RSU1: variants seen among roughly 807,000 people sequenced by gnomAD.
The protein encoded by RSU1 is Ras suppressor protein 1, also known as rsu-1.
In RSU1, 26 loss-of-function variants were observed where a neutral mutation model predicts 31.1. The observed-to-expected ratio is 0.84, with a 90% confidence interval of 0.61 to 1.16. The LOEUF is 1.16. Ranked by LOEUF, RSU1 falls within the 50% of genes most tolerant of loss-of-function variation. The pLI, the probability that RSU1 is intolerant of heterozygous loss-of-function variation, is 0.00. For synonymous variants in RSU1, 164 were observed against 136.3 expected (o/e 1.20, Z -1.41); for missense variants, 320 against 339.1 (o/e 0.94, Z 0.44).
intron 8 of RSU1, among the ~76,000 whole-genome samples, chr10:16,687,880 C>T (rs1373545976): frequency 2.0e-5 from 3 of 152,060 alleles, no homozygotes; most frequent in Non-Finnish European, 2.9e-5. Context: ...CCACCATGCC[C>T]GGCTAATTTT....
chr10:16,625,712 G>A (rs1834145404), intron 8 of RSU1, among the ~76,000 whole-genome samples: 1 of 152,192 alleles, frequency 6.6e-6, no homozygotes, highest in Non-Finnish European at 1.5e-5. Flanking sequence ...AAAGAAAGTG[G>A]ACGGAAATCA....
At chr10:16,718,389 T>A (rs1836187343) in intron 7 of RSU1, among the ~76,000 whole-genome samples, 1 of 152,234 alleles carries the variant, frequency 6.6e-6, no homozygotes, top group Non-Finnish European at 1.5e-5. Context: ...ATAAACTATA[T>A]GTGACATGTT....
chr10:16,628,149 G>T (rs1381265704), intron 8 of RSU1, among the ~76,000 whole-genome samples: 1 of 152,184 alleles, frequency 6.6e-6, no homozygotes, highest in African/African-American at 2.4e-5. Flanking sequence ...ACAACAATCT[G>T]CCAATTGATT....
Position 16,672,226 on chromosome 10 carries a change from C to T in RSU1, c.731+22797G>A, listed in dbSNP as rs568355852. Reference sequence around the variant, plus strand: ...TCAGGAGGCTGAGGCAGGAGAATGGCGTGAACCCGGGAGGCAGAGCTTGCA... The same window carrying T: ...TCAGGAGGCTGAGGCAGGAGAATGGTGTGAACCCGGGAGGCAGAGCTTGCA... On this transcript the variant is annotated intron_variant, in intron 8 of 8. Transcript: ENST00000345264. 4.0e-4 allele frequency among the ~76,000 whole-genome samples: 61 copies of T among 151,706 alleles called. No individual in the cohort carries two copies. The South Asian group carries it at 4.4e-3, about 11-fold the overall frequency.
chr10:16,767,076 G>A (rs1417848696), intron 3 of RSU1, among the ~76,000 whole-genome samples: 1 of 151,182 alleles, frequency 6.6e-6, no homozygotes, highest in Non-Finnish European at 1.5e-5. Flanking sequence ...TGGGTCACTG[G>A]ATGTCATCTT....
chr10:16,671,686 C>A (rs907828342), intron 8 of RSU1, among the ~76,000 whole-genome samples: 1 of 151,832 alleles, frequency 6.6e-6, no homozygotes, highest in East Asian at 2.0e-4. Context: ...AGGGCAGTGG[C>A]GCGATTTTGG....
chr10:16,602,245 A>T (rs749894663), intron 8 of RSU1, among the ~76,000 whole-genome samples: 7 of 152,226 alleles, frequency 4.6e-5, no homozygotes, highest in Admixed American at 2.6e-4. Flanking sequence ...GATGATACAT[A>T]AAGTGACTCC....
At chr10:16,708,440 AC>A (rs2131578042) in intron 7 of RSU1, among the ~76,000 whole-genome samples, 1 of 152,312 alleles carries the variant, frequency 6.6e-6, no homozygotes, top group South Asian at 2.1e-4. Flanking sequence ...AAGAAAATCT[AC>A]ATAAAAGTGA....
chr10:16,812,116 C>T (rs1420356142), intron 2 of RSU1, among the ~76,000 whole-genome samples: 1 of 152,190 alleles, frequency 6.6e-6, no homozygotes, highest in African/African-American at 2.4e-5. Context: ...GAAAGGTGGG[C>T]ACATACACAC....
At chr10:16,811,692 A>C (rs1838413412) in intron 2 of RSU1, among the ~76,000 whole-genome samples, 1 of 152,180 alleles carries the variant, frequency 6.6e-6, no homozygotes, top group Non-Finnish European at 1.5e-5. Flanking sequence ...TACAATCAAA[A>C]ATAGAAGTTG....
At chr10:16,636,233 G>A (rs1351427620) in intron 8 of RSU1, among the ~76,000 whole-genome samples, 2 of 152,038 alleles carry the variant, frequency 1.3e-5, no homozygotes, top group Non-Finnish European at 2.9e-5. Context: ...ATATCTGGAG[G>A]CAGCTCACCT....
At chr10:16,788,620 A>G (rs545200048) in intron 2 of RSU1, among the ~76,000 whole-genome samples, 1 of 152,304 alleles carries the variant, frequency 6.6e-6, no homozygotes, top group South Asian at 2.1e-4. Context: ...TAAGTAACCC[A>G]GTCTATAGTA....
intron 8 of RSU1, among the ~76,000 whole-genome samples, chr10:16,673,545 C>A (rs988528712): frequency 2.0e-5 from 3 of 152,192 alleles, no homozygotes; most frequent in Non-Finnish European, 4.4e-5. Flanking sequence ...AATGGAGAAG[C>A]CCTGTCTTGA....
At chr10:16,801,473 T>C (rs960222844) in intron 2 of RSU1, among the ~76,000 whole-genome samples, 6 of 152,246 alleles carry the variant, frequency 3.9e-5, no homozygotes, top group African/African-American at 1.4e-4. Context: ...CTATCAGTAA[T>C]TGACAGATCC....
At chr10:16,780,964 A>T (rs1259284861) in intron 3 of RSU1, among the ~76,000 whole-genome samples, 12 of 152,216 alleles carry the variant, frequency 7.9e-5, no homozygotes, top group Non-Finnish European at 1.5e-5. Context: ...TGTTTCTTGC[A>T]CATGAGGGGA....
intron 7 of RSU1, among the ~76,000 whole-genome samples, chr10:16,743,606 C>T (rs1467139462): frequency 6.6e-6 from 1 of 152,176 alleles, no homozygotes; most frequent in Non-Finnish European, 1.5e-5. Flanking sequence ...CCATAAAGAA[C>T]ATCCTTGTCA....
intron 2 of RSU1, among the ~76,000 whole-genome samples, chr10:16,815,856 G>A (rs766007540): frequency 5.3e-5 from 8 of 152,174 alleles, no homozygotes; most frequent in Non-Finnish European, 7.3e-5. Flanking sequence ...GCAAACGACT[G>A]AGAAAGAGGG....
intron 8 of RSU1, among the ~76,000 whole-genome samples, chr10:16,602,686 T>C (rs1179010951): frequency 6.6e-6 from 1 of 152,244 alleles, no homozygotes; most frequent in African/African-American, 2.4e-5. Context: ...GTGTCATATG[T>C]ATCCCTACTG....
chr10:16,617,522 T>C (rs531382060), intron 8 of RSU1, among the ~76,000 whole-genome samples: 1 of 152,322 alleles, frequency 6.6e-6, no homozygotes, highest in Non-Finnish European at 1.5e-5. Flanking sequence ...AGAGCCCATA[T>C]AGCCAAGACA....
Sources: allele counts gnomAD v4.1 joint callset (sites outside exome capture counted in the v4.1 genomes callset), GRCh38; gene constraint gnomAD v4.1.1; transcripts MANE v1.5; gene names NCBI Gene and HGNC (gene_info 2026-07-23, HGNC 2026-07-21).